Variants in NRP1 observed in about 807,000 individuals in gnomAD.
NRP1 encodes the protein neuropilin-1.
In NRP1, 35 loss-of-function variants were observed where a neutral mutation model predicts 106.7. That is an observed-to-expected ratio of 0.33 (90% CI 0.25 to 0.43). The LOEUF (loss-of-function observed/expected upper bound fraction) is 0.43. Ranked by LOEUF, NRP1 falls within the 20% of genes least tolerant of loss-of-function variation. The probability of loss-of-function intolerance (pLI) is 1.00; values close to 1 mark genes in which losing one functional copy is unlikely to be tolerated. For missense variants in NRP1, 1,024 were observed against 1,170.4 expected (o/e 0.87, Z 1.83); for synonymous variants, 437 against 417.9 (o/e 1.05, Z -0.56).
intron 1 of NRP1, among the ~76,000 whole-genome samples, chr10:33,331,535 A>C (rs147066781): frequency 7.2e-5 from 11 of 152,348 alleles, no homozygotes; most frequent in Non-Finnish European, 1.5e-4. Context: ...TGGAGATCGG[A>C]TCAAAGCAAC....
intron 2 of NRP1, among the ~76,000 whole-genome samples, chr10:33,276,326 TC>T (rs1199319236): frequency 6.6e-6 from 1 of 152,222 alleles, no homozygotes; most frequent in Non-Finnish European, 1.5e-5. Flanking sequence ...GCTTTTTTTT[TC>T]TTCCCCCACC....
chr10:33,240,815 G>A (rs373693705), intron 6 of NRP1, among the ~76,000 whole-genome samples: 1 of 152,156 alleles, frequency 6.6e-6, no homozygotes, highest in Admixed American at 6.5e-5. Context: ...CAAGAACGAA[G>A]AGAAAGAACA....
intron 11 of NRP1, among the ~76,000 whole-genome samples, chr10:33,200,423 G>A (rs1382687779): frequency 5.3e-5 from 8 of 152,166 alleles, no homozygotes; most frequent in Non-Finnish European, 1.5e-5. Flanking sequence ...CAGTACACCT[G>A]GAATTTGGTG....
chr10:33,310,240 C>T (rs1468465522), intron 2 of NRP1, among the ~76,000 whole-genome samples: 4 of 145,352 alleles, frequency 2.8e-5, no homozygotes, highest in Non-Finnish European at 4.5e-5. Context: ...TGAGCCACTG[C>T]GCCCGGCCTT....
At chr10:33,237,472 A>AGC (rs554635347) in intron 6 of NRP1, among the ~76,000 whole-genome samples, 1,692 of 138,158 alleles carry the variant, frequency 0.012, 10 homozygotes, top group Non-Finnish European at 0.02. Context: ...CGGCAGAAGA[A>AGC]ACACACATGC....
At chr10:33,298,832 A>G (rs191762744) in intron 2 of NRP1, among the ~76,000 whole-genome samples, 2 of 152,296 alleles carry the variant, frequency 1.3e-5, no homozygotes, top group African/African-American at 4.8e-5. Flanking sequence ...ACACCACACG[A>G]ATTCTAGCTG....
At chr10:33,286,456 T>C (rs1343157084) in intron 2 of NRP1, among the ~76,000 whole-genome samples, 1 of 152,070 alleles carries the variant, frequency 6.6e-6, no homozygotes, top group Non-Finnish European at 1.5e-5. Flanking sequence ...CCATGCAATC[T>C]AGAGGTAGAG....
chr10:33,221,579 TC>T (rs1242379585), intron 8 of NRP1, 139 bp downstream of exon 8: 4 of 1,046,640 alleles, frequency 3.8e-6, no homozygotes, highest in Non-Finnish European at 1.4e-6. Flanking sequence ...TTTGTCTAAA[TC>T]CAAAGTAGAT....
At chr10:33,261,638 G>T (rs1049024511) in intron 4 of NRP1, among the ~76,000 whole-genome samples, 4 of 152,104 alleles carry the variant, frequency 2.6e-5, no homozygotes, top group Admixed American at 6.5e-5. Context: ...TCTAAACCTG[G>T]TTTTTTTCTA....
rs866753972 is a variant in NRP1 at position 33,329,033 on chromosome 10, T to C, written c.248+1675A>G. Among the ~76,000 whole-genome samples, 6 of 152,234 alleles carry C rather than the reference T, an allele frequency of 3.9e-5. No individual in the cohort carries two copies. In the South Asian group the frequency reaches 6.2e-4, roughly 16 times the overall value. Reference sequence around the variant, plus strand: ...AACATGGTCAAAAAGCAAATACTAATAACTACTGCTACTACTAATGAAGTA... The same window carrying C: ...AACATGGTCAAAAAGCAAATACTAACAACTACTGCTACTACTAATGAAGTA... On this transcript the variant is annotated intron_variant, in intron 2 of 16. Transcript: ENST00000374867.
chr10:33,208,074 C>T (rs1219827845), intron 9 of NRP1, among the ~76,000 whole-genome samples: 3 of 152,150 alleles, frequency 2.0e-5, no homozygotes, highest in Non-Finnish European at 2.9e-5. Flanking sequence ...TACAGGCACC[C>T]GCCACCATGC....
At chr10:33,213,206 T>C (rs1214401999) in intron 9 of NRP1, 180 bp downstream of exon 9, 24 of 1,502,536 alleles carry the variant, frequency 1.6e-5, no homozygotes, top group Non-Finnish European at 2.2e-5. Context: ...ATCTCAGACA[T>C]CACTTTTCAT....
At chr10:33,318,812 TGAGG>T (rs1340293676) in intron 2 of NRP1, among the ~76,000 whole-genome samples, 3 of 146,154 alleles carry the variant, frequency 2.1e-5, no homozygotes, top group African/African-American at 7.5e-5. Context: ...CTAATAGCAT[TGAGG>T]AAGGTGCTAG....
chr10:33,288,484 C>G (rs963513977), intron 2 of NRP1: 11 of 152,178 alleles, frequency 7.2e-5, no homozygotes, highest in African/African-American at 2.7e-4. Context: ...CGATGCTGAA[C>G]TTAATGTGGA....
At chr10:33,250,695 C>G (rs933466823) in intron 6 of NRP1, among the ~76,000 whole-genome samples, 4 of 152,210 alleles carry the variant, frequency 2.6e-5, no homozygotes, top group Non-Finnish European at 5.9e-5. Context: ...ACTCGTTTCT[C>G]TGAACTTCAG....
chr10:33,206,394 A>G (rs373932453), intron 10 of NRP1: 1 of 508,300 alleles, frequency 2.0e-6, no homozygotes, highest in East Asian at 5.5e-5. Context: ...ACAGATATGG[A>G]AACAACCACA....
chr10:33,202,473 G>T, intron 11 of NRP1: 2 of 798,590 alleles, frequency 2.5e-6, no homozygotes, highest in Non-Finnish European at 1.8e-6. Context: ...CCATTTGTTG[G>T]ATAAAGGATC....
At chr10:33,232,224 T>A (rs1840194625) in intron 6 of NRP1, among the ~76,000 whole-genome samples, 1 of 152,202 alleles carries the variant, frequency 6.6e-6, no homozygotes, top group Non-Finnish European at 1.5e-5. Flanking sequence ...GGAGGGTTCA[T>A]CGTCCTAAAC....
At position 33,330,795 on chromosome 10, in the gene NRP1, C is replaced by CATTTTTCACTTGGGTGAT; in HGVS notation, c.143_160dup (p.Tyr48_Lys53dup). ...GTCCGGAGCCTGAATCAGCCATTCG[C>CATTTTTCACTTGGGTGAT]ATTTTTCACTTGGGTGATAAGAATG... On this transcript the variant is annotated inframe_insertion, in exon 2 of 17. Transcript: ENST00000374867. 1 of 1,613,908 alleles carries CATTTTTCACTTGGGTGAT rather than the reference C, an allele frequency of 6.2e-7. No individual in the cohort carries two copies. The highest frequency in any genetic ancestry group is 8.5e-7 in the Non-Finnish European group (1 of 1,179,834).
Sources: allele counts gnomAD v4.1 joint callset (sites outside exome capture counted in the v4.1 genomes callset), GRCh38; gene constraint gnomAD v4.1.1; transcripts MANE v1.5; gene names NCBI Gene and HGNC (gene_info 2026-07-23, HGNC 2026-07-21).